The following FAT3 variants were observed in gnomAD, a reference collection of about 807,000 sequenced individuals.
FAT3 encodes protocadherin Fat 3.
Under a neutral mutation model 310.2 loss-of-function variants are expected in FAT3, and 95 were observed. The observed-to-expected ratio is 0.31, with a 90% CI of 0.26 to 0.36. The LOEUF is 0.36. Among genes scored for constraint, FAT3 ranks in the 10% least tolerant of loss-of-function variants. FAT3 has a pLI of 1.00. For missense variants in FAT3, 5,408 were observed against 5,715.6 expected (o/e 0.95, Z 1.74); for synonymous variants, 2,314 against 2,192.9 (o/e 1.06, Z -1.54).
chr11:92,333,649 G>A (rs186522702), intron 1 of FAT3, among the ~76,000 whole-genome samples: 81 of 152,154 alleles, frequency 5.3e-4, no homozygotes, highest in African/African-American at 1.9e-3. Context: ...GAAAAACCAT[G>A]GAAGTTTTTT....
At chr11:92,313,065 C>T (rs927597675) in intron 1 of FAT3, among the ~76,000 whole-genome samples, 1 of 152,156 alleles carries the variant, frequency 6.6e-6, no homozygotes, top group Non-Finnish European at 1.5e-5. Context: ...ATAATCAATT[C>T]TTAGTAAAGT....
At chr11:92,240,942 C>T (rs1265470325) in intron 1 of FAT3, among the ~76,000 whole-genome samples, 1 of 151,974 alleles carries the variant, frequency 6.6e-6, no homozygotes, top group Non-Finnish European at 1.5e-5. Flanking sequence ...CCATGCCCCC[C>T]TTCCTGCCAC....
At chr11:92,640,339 G>A (rs968419454) in intron 3 of FAT3, among the ~76,000 whole-genome samples, 1 of 152,056 alleles carries the variant, frequency 6.6e-6, no homozygotes, top group Non-Finnish European at 1.5e-5. Flanking sequence ...TGCTGAACAT[G>A]ATGTTTGCTT....
intron 1 of FAT3, among the ~76,000 whole-genome samples, chr11:92,315,479 G>GTGTATA (rs1555009286): frequency 1.0e-3 from 65 of 65,124 alleles, no homozygotes; most frequent in Non-Finnish European, 1.6e-3. Flanking sequence ...GTGTGTGTGT[G>GTGTATA]TATATATATA....
intron 4 of FAT3, among the ~76,000 whole-genome samples, chr11:92,716,066 C>T (rs1261385179): frequency 6.6e-6 from 1 of 152,106 alleles, no homozygotes; most frequent in Non-Finnish European, 1.5e-5. Flanking sequence ...GAAAAGAGGA[C>T]TTTGGAGTTA....
intron 3 of FAT3, among the ~76,000 whole-genome samples, chr11:92,666,468 C>T (rs910687751): frequency 2.6e-5 from 4 of 151,146 alleles, no homozygotes; most frequent in African/African-American, 9.7e-5. Context: ...TCTCCTGCCT[C>T]AGCCTCCCGA....
rs933709182 is a variant in FAT3, at chr11:92,800,966, G to C, written c.7953G>C (p.Leu2651=). ...SEASVSVADL[L]EIDPDNGWMV... ...CCTCTGTTTCAGTGGCCGACCTCCTGGAAATCGATCCTGACAATGGCTGGA... is the reference window on the plus strand; with the variant it reads ...CCTCTGTTTCAGTGGCCGACCTCCTCGAAATCGATCCTGACAATGGCTGGA... The change falls in exon 10 of 28, where the codon CTG becomes CTC. Residue 2651 remains leucine, a synonymous_variant. Transcript: ENST00000525166. The C allele has an allele frequency of 6.2e-7, 1 of 1,613,276 alleles. No individual in the cohort carries two copies. The highest frequency in any genetic ancestry group is 1.7e-5 in the Admixed American group (1 of 59,946).
At chr11:92,410,019 G>T (rs965294619) in intron 2 of FAT3, among the ~76,000 whole-genome samples, 1 of 151,994 alleles carries the variant, frequency 6.6e-6, no homozygotes, top group Non-Finnish European at 1.5e-5. Flanking sequence ...CCTGGGAAAA[G>T]AAAAAAATGC....
At position 92,352,518 on chromosome 11, in the gene FAT3, G is replaced by A. The variant is rs761353587; in HGVS notation, c.406G>A (p.Glu136Lys). Residue 136 changes from glutamate to lysine, a missense_variant, in exon 2 of 28, where the codon GAG (glutamate) becomes AAG (lysine). Physicochemically the swap from Glu to Lys is moderately conservative, Grantham distance 56 (BLOSUM62 1). Coordinates refer to ENST00000525166, the MANE Select transcript of FAT3 (RefSeq NM_001367949.2). Reference sequence around the variant, plus strand: ...GATAGTAAAAGGTTCTGTCAGAGGAGAGGATTTGGAAGCATGGACCAAAGT... The same window carrying A: ...GATAGTAAAAGGTTCTGTCAGAGGAAAGGATTTGGAAGCATGGACCAAAGT... ...LLIVKGSVRG[E>K]DLEAWTKVNI... is the part of the protein sequence containing the mutation. 17 of 1,613,462 alleles carry A rather than the reference G, an allele frequency of 1.1e-5. No homozygotes were observed. The highest frequency in any genetic ancestry group is 1.4e-5 in the Non-Finnish European group (17 of 1,179,790).
At chr11:92,671,763 G>A (rs942253501) in intron 3 of FAT3, among the ~76,000 whole-genome samples, 8 of 152,058 alleles carry the variant, frequency 5.3e-5, no homozygotes, top group Non-Finnish European at 8.8e-5. Flanking sequence ...TTTGAGTAAG[G>A]TGCTTAGATA....
chr11:92,441,193 A>G (rs79919679), intron 2 of FAT3, among the ~76,000 whole-genome samples: 2 of 152,354 alleles, frequency 1.3e-5, no homozygotes, highest in East Asian at 3.9e-4. Context: ...AATTCTCTAC[A>G]TTGTATCATC....
chr11:92,384,235 C>T (rs944732845), intron 2 of FAT3, among the ~76,000 whole-genome samples: 3 of 152,070 alleles, frequency 2.0e-5, no homozygotes, highest in Non-Finnish European at 4.4e-5. Context: ...TCAAAGTGGT[C>T]ACTTCATACC....
intron 2 of FAT3, among the ~76,000 whole-genome samples, chr11:92,465,938 CAA>C (rs886211960): frequency 6.6e-5 from 10 of 152,060 alleles, no homozygotes; most frequent in Admixed American, 5.2e-4. Context: ...AAAACATCAA[CAA>C]AGTCACAGAT....
intron 1 of FAT3, among the ~76,000 whole-genome samples, chr11:92,253,686 T>C (rs1865213313): frequency 6.6e-6 from 1 of 152,118 alleles, no homozygotes; most frequent in African/African-American, 2.4e-5. Flanking sequence ...GTAACTCAGG[T>C]TTCTTTTAAT....
intron 3 of FAT3, among the ~76,000 whole-genome samples, chr11:92,674,719 G>C (rs1943235107): frequency 6.6e-6 from 1 of 151,824 alleles, no homozygotes; most frequent in South Asian, 2.1e-4. Context: ...TGTGGAGACG[G>C]GGTCTCGCTA....
chr11:92,847,504 A>G (rs1948719574), intron 19 of FAT3, among the ~76,000 whole-genome samples: 1 of 152,178 alleles, frequency 6.6e-6, no homozygotes, highest in Non-Finnish European at 1.5e-5. Context: ...CCGTAATGTG[A>G]TTTTCCTAGC....
chr11:92,865,213 A>C (rs1949211317), intron 21 of FAT3, among the ~76,000 whole-genome samples: 1 of 152,250 alleles, frequency 6.6e-6, no homozygotes, highest in Non-Finnish European at 1.5e-5. Context: ...CTACAAAGGC[A>C]GAAATGAGAG....
At chr11:92,430,767 T>TA (rs1950749182) in intron 2 of FAT3, among the ~76,000 whole-genome samples, 1 of 151,266 alleles carries the variant, frequency 6.6e-6, no homozygotes, top group African/African-American at 2.4e-5. Flanking sequence ...GATGTTTGGT[T>TA]TTTTGTCCTT....
chr11:92,269,551 C>A lies in FAT3; in HGVS notation c.-18+44377C>A, dbSNP rs115400564. Among the ~76,000 whole-genome samples the A allele has an allele frequency of 8.8e-3, 1,344 of 152,116 alleles. 8 individuals carry two copies. Among genetic ancestry groups the A allele is most frequent in the African/African-American group, 0.03 (1,263 of 41,528 alleles). ...ATCTTTATGCTATCTGTTGGAAGAG[C>A]CTTGTAGTTTGAAGTTATAATATGG... On this transcript the variant is annotated intron_variant, in intron 1 of 27. Transcript: ENST00000525166.
Sources: gnomAD v4.1 joint callset for allele counts (sites outside exome capture counted in the v4.1 genomes callset) on GRCh38, gnomAD v4.1.1 for gene constraint, MANE v1.5 for transcripts, NCBI Gene and HGNC (gene_info 2026-07-23, HGNC 2026-07-21) for gene names.